NSD2: variants seen among roughly 807,000 people sequenced by gnomAD.
NSD2 encodes the protein nuclear receptor binding SET domain protein 2, also known as histone-lysine N-methyltransferase NSD2.
In NSD2, 12 loss-of-function variants were observed where a neutral mutation model predicts 139.0. The ratio of observed to expected loss-of-function variants is 0.09; its 90% CI spans 0.06 to 0.14. The LOEUF is 0.14. Among genes scored for constraint, NSD2 ranks in the 10% least tolerant of loss-of-function variants. The probability of loss-of-function intolerance (pLI) is 1.00; values close to 1 mark genes in which losing one functional copy is unlikely to be tolerated. For missense variants in NSD2, 1,155 were observed against 1,745.0 expected, an observed-to-expected ratio of 0.66 and a Z score of 6.02; for synonymous variants, 669 against 648.7, an observed-to-expected ratio of 1.03 and a Z score of -0.48.
At chr4:1,903,953 C>T (rs929995919) in intron 2 of NSD2, among the ~76,000 whole-genome samples, 4 of 152,152 alleles carry the variant, frequency 2.6e-5, no homozygotes, top group Admixed American at 2.6e-4. Context: ...CCAGGATGGT[C>T]TTGATCTCCT....
Position 1,948,171 on chromosome 4 carries a change from G to A in NSD2, c.1882-2901G>A. On this transcript the variant is annotated intron_variant, in intron 9 of 21. Transcript: ENST00000508803. The surrounding 1 kb of genome is among the most constrained non-coding windows in gnomAD (Gnocchi z 4.5). ...GACTGAAGAAAACTTTGAAAAGTCA[G>A]GAGCTAAGCTGCTCGGAGCTCAGTG... The A allele has an allele frequency of 9.4e-7, 1 of 1,063,354 alleles. No individual in the cohort carries two copies. The highest frequency in any genetic ancestry group is 1.1e-6 in the Non-Finnish European group (1 of 877,808). 65.9% of individuals were successfully genotyped at this position (1,063,354 alleles called of 1,614,324 possible).
intron 18 of NSD2, among the ~76,000 whole-genome samples, chr4:1,967,235 G>A (rs1725980317): frequency 6.6e-6 from 1 of 152,148 alleles, no homozygotes; most frequent in African/African-American, 2.4e-5. Context: ...GAAAAAAATG[G>A]AAAATCTGAA....
chr4:1,967,097 A>G (rs944691583), intron 18 of NSD2, among the ~76,000 whole-genome samples: 2 of 152,214 alleles, frequency 1.3e-5, no homozygotes, highest in East Asian at 1.9e-4. Flanking sequence ...TGAAGACATT[A>G]TTACTGCTTC....
intron 18 of NSD2, among the ~76,000 whole-genome samples, chr4:1,968,366 C>G (rs1726096819): frequency 1.3e-5 from 2 of 152,174 alleles, no homozygotes; most frequent in African/African-American, 4.8e-5. Flanking sequence ...GCATTGAACA[C>G]TAATGGTCAC....
intron 18 of NSD2, among the ~76,000 whole-genome samples, chr4:1,964,661 C>T (rs536152473): frequency 2.0e-5 from 3 of 152,246 alleles, no homozygotes; most frequent in East Asian, 1.9e-4. Context: ...CTCCCTCAGT[C>T]GTTACAAGCC....
intron 1 of NSD2, among the ~76,000 whole-genome samples, chr4:1,883,341 C>T (rs1018607639): frequency 3.3e-5 from 5 of 151,720 alleles, no homozygotes; most frequent in Non-Finnish European, 7.4e-5. Context: ...AAGTGTACCC[C>T]CTCTGCAGGG....
chr4:1,953,065 C>T, intron 11 of NSD2: 1 of 1,462,296 alleles, frequency 6.8e-7, no homozygotes, highest in Non-Finnish European at 9.0e-7. Flanking sequence ...GACTGGGCCT[C>T]CCCAGCCAGG....
intron 6 of NSD2, among the ~76,000 whole-genome samples, chr4:1,934,878 AATATATATAT>A (rs1161633448): frequency 5.9e-4 from 13 of 22,060 alleles, no homozygotes; most frequent in South Asian, 3.8e-3. Context: ...AAAAAAAAAA[AATATATATAT>A]ATATATATAT....
intron 18 of NSD2, among the ~76,000 whole-genome samples, chr4:1,965,051 C>CAAAAAAAAAAAAAAAAAAAAAAAAAA (rs555374240): frequency 2.1e-5 from 1 of 47,178 alleles, no homozygotes; most frequent in Non-Finnish European, 3.8e-5. Context: ...CAGTGTTCAG[C>CAAAAAAAAAAAAAAAAAAAAAAAAAA]AAAAAAAAAA....
At chr4:1,886,204 C>CT (rs1162557950) in intron 1 of NSD2, among the ~76,000 whole-genome samples, 1 of 152,006 alleles carries the variant, frequency 6.6e-6, no homozygotes, top group Non-Finnish European at 1.5e-5. Flanking sequence ...CAGCTGTTTC[C>CT]TTTTTTTCTT....
chr4:1,974,588 C>T lies in NSD2; in HGVS notation c.3373-275C>T. On this transcript the variant is annotated intron_variant, in intron 18 of 21. Transcript: ENST00000508803. This position sits in a 1 kb window ranked among gnomAD's most constrained non-coding sequence, Gnocchi z 4.0. ...TGCTGACCTTAGCTCCCTTGTTTGC[C>T]ATCATGGAGGATGCTGGGAGCTCCA... 1 of 566,852 alleles carries T rather than the reference C, an allele frequency of 1.8e-6. No homozygotes were observed. Among genetic ancestry groups the T allele is most frequent in the Non-Finnish European group, 3.3e-6 (1 of 303,812 alleles). The allele number at this position is 566,852 out of a possible 1,614,324, so 35.1% of individuals were successfully genotyped here.
At chr4:1,895,712 G>C (rs548921223) in intron 1 of NSD2, among the ~76,000 whole-genome samples, 3 of 152,262 alleles carry the variant, frequency 2.0e-5, no homozygotes, top group African/African-American at 4.8e-5. Flanking sequence ...GGGAGAGGGG[G>C]GCTCCCCATG....
chr4:1,901,127 GACAAAA>G lies in NSD2; in HGVS notation c.476_481del (p.Gln159_Lys160del). On this transcript the variant is annotated inframe_deletion, in exon 2 of 22. Transcript: ENST00000508803. ...GATGTGTCTCAGTCAGAAGAAAATG[GACAAAA>G]ACCAGAAAACAAGGCGAGAAGGAAC... 1.2e-6 allele frequency: 2 copies of G among 1,614,184 alleles called. No homozygotes were observed. The highest frequency in any genetic ancestry group is 1.7e-6 in the Non-Finnish European group (2 of 1,180,044).
At position 1,873,836 on chromosome 4, in the gene NSD2, G is replaced by A. The variant is rs560624968; in HGVS notation, c.-30+2294G>A. On this transcript the variant is annotated intron_variant, in intron 1 of 21. Transcript: ENST00000508803. ...TGGTGCTGAAGTTCATAATCCAAAC[G>A]TATTTTGTCCTGTGCTATTTATTTA... is the stretch of plus-strand genomic sequence containing the variant. Among the ~76,000 whole-genome samples the A allele has an allele frequency of 3.3e-5, 5 of 152,262 alleles. No homozygotes were observed. The East Asian group carries it at 9.6e-4, about 29-fold the overall frequency.
chr4:1,982,097 G>C lies in NSD2; in HGVS notation c.*3188G>C. On this transcript the variant is annotated 3_prime_UTR_variant, in exon 22 of 22. Coordinates refer to ENST00000508803, the MANE Select transcript of NSD2 (RefSeq NM_001042424.3). ...GAGGGATATACTGAAATAGAGAGTT[G>C]AGACTTGCCAGTTGGGGGAAAATAG... is the stretch of plus-strand genomic sequence containing the variant. The C allele has an allele frequency of 5.0e-6, 2 of 397,106 alleles. No individual in the cohort carries two copies. The highest frequency in any genetic ancestry group is 4.4e-6 in the Non-Finnish European group (1 of 225,660). The allele number at this position is 397,106 out of a possible 1,614,324, so 24.6% of individuals were successfully genotyped here.
intron 9 of NSD2, chr4:1,946,615 C>T (rs1157785030): frequency 1.9e-5 from 20 of 1,029,616 alleles, no homozygotes; most frequent in Non-Finnish European, 2.2e-5. Flanking sequence ...TATTTTAGGA[C>T]TTTTTGTCAA....
At chr4:1,953,702 C>CCTTCTTT (rs1724518910) in intron 12 of NSD2, among the ~76,000 whole-genome samples, 178 bp downstream of exon 12, 1 of 152,146 alleles carries the variant, frequency 6.6e-6, no homozygotes, top group Non-Finnish European at 1.5e-5. Flanking sequence ...TCTCCCTTTT[C>CCTTCTTT]CTTCTTTCCA....
Position 1,956,215 on chromosome 4 carries a change from A to G in NSD2, c.2881+27A>G. ...TACGGAGATATTCAGATAGAGAGTG[A>G]GACAGCACTCTCGTGCATTTTCTTA... On this transcript the variant is annotated intron_variant, in intron 15 of 21. Transcript: ENST00000508803. The surrounding 1 kb of genome is among the most constrained non-coding windows in gnomAD (Gnocchi z 5.3). The G allele has an allele frequency of 1.3e-6, 2 of 1,539,018 alleles. No individual in the cohort carries two copies. Among genetic ancestry groups the G allele is most frequent in the South Asian group, 2.4e-5 (2 of 82,460 alleles).
intron 7 of NSD2, among the ~76,000 whole-genome samples, chr4:1,936,584 C>T (rs912732806): frequency 1.0e-4 from 15 of 149,454 alleles, no homozygotes; most frequent in African/African-American, 3.7e-4. Context: ...AGGAGAATCA[C>T]TTGAACCTGG....
Sources: allele counts gnomAD v4.1 joint callset (sites outside exome capture counted in the v4.1 genomes callset), GRCh38; gene constraint gnomAD v4.1.1; non-coding constraint Gnocchi (gnomAD v3.1); transcripts MANE v1.5; gene names NCBI Gene and HGNC (gene_info 2026-07-23, HGNC 2026-07-21).